The following MACROD2 variants were observed in gnomAD, a reference collection of about 807,000 sequenced individuals.
MACROD2 encodes ADP-ribose glycohydrolase MACROD2.
In MACROD2, 36 loss-of-function variants were observed where a neutral mutation model predicts 70.4. That is an observed-to-expected ratio of 0.51 (90% CI 0.39 to 0.68). MACROD2 has a LOEUF of 0.68. MACROD2 is among the 30% of genes least tolerant of loss of function. MACROD2 has a pLI of 0.00. For synonymous variants in MACROD2, 172 were observed against 178.8 expected (o/e 0.96, Z 0.30); for missense variants, 496 against 538.4 (o/e 0.92, Z 0.78).
chr20:14,771,918 A>G (rs1026799489), intron 5 of MACROD2, among the ~76,000 whole-genome samples: 2 of 152,044 alleles, frequency 1.3e-5, no homozygotes, highest in African/African-American at 2.4e-5. Context: ...CAAAGGTCCA[A>G]TTCATTATCA....
At chr20:14,965,120 T>G (rs1474683352) in intron 5 of MACROD2, among the ~76,000 whole-genome samples, 1 of 152,154 alleles carries the variant, frequency 6.6e-6, no homozygotes, top group Non-Finnish European at 1.5e-5. Flanking sequence ...AGCAGATACT[T>G]GCTTTTAAGG....
At chr20:15,374,227 T>C (rs2045531349) in intron 6 of MACROD2, among the ~76,000 whole-genome samples, 1 of 151,906 alleles carries the variant, frequency 6.6e-6, no homozygotes, top group South Asian at 2.1e-4. Flanking sequence ...TAAGTGATTT[T>C]ATCATATATA....
At chr20:15,304,041 C>G (rs1244578397) in intron 6 of MACROD2, among the ~76,000 whole-genome samples, 1 of 152,106 alleles carries the variant, frequency 6.6e-6, no homozygotes, top group Non-Finnish European at 1.5e-5. Flanking sequence ...TTGGCCTTTC[C>G]TCACCACAAG....
chr20:14,516,515 CA>C (rs2085101627), intron 4 of MACROD2, among the ~76,000 whole-genome samples: 1 of 152,136 alleles, frequency 6.6e-6, no homozygotes, highest in Admixed American at 6.6e-5. Context: ...CAGTTTTCTG[CA>C]TATGGCTAGC....
At chr20:15,139,311 C>T (rs1282639976) in intron 5 of MACROD2, among the ~76,000 whole-genome samples, 1 of 151,968 alleles carries the variant, frequency 6.6e-6, no homozygotes, top group African/African-American at 2.4e-5. Context: ...TGTTTTGCAC[C>T]AGCATTGTTT....
At chr20:14,642,770 A>C (rs1382685084) in intron 4 of MACROD2, among the ~76,000 whole-genome samples, 1 of 152,138 alleles carries the variant, frequency 6.6e-6, no homozygotes, top group African/African-American at 2.4e-5. Context: ...TAGTAACATC[A>C]AAGATCACTG....
At chr20:15,658,453 C>G (rs1368527801) in intron 8 of MACROD2, among the ~76,000 whole-genome samples, 1 of 152,066 alleles carries the variant, frequency 6.6e-6, no homozygotes, top group East Asian at 1.9e-4. Flanking sequence ...TTTTCTGGGC[C>G]TCATTGTTTG....
chr20:14,995,811 A>C (rs887644588), intron 5 of MACROD2, among the ~76,000 whole-genome samples: 2 of 152,148 alleles, frequency 1.3e-5, no homozygotes, highest in Non-Finnish European at 2.9e-5. Flanking sequence ...AACCTATGGG[A>C]TGCAGTTAAA....
intron 10 of MACROD2, among the ~76,000 whole-genome samples, chr20:15,917,067 T>C (rs2065329608): frequency 1.3e-5 from 2 of 152,310 alleles, no homozygotes; most frequent in Non-Finnish European, 2.9e-5. Flanking sequence ...CAGGATGTAG[T>C]TTGCAGACCC....
rs528207515 is a variant in MACROD2 at position 15,077,854 on chromosome 20, A to G, written c.419-152086A>G. On this transcript the variant is annotated intron_variant, in intron 5 of 17. Transcript: ENST00000684519. Reference sequence around the variant, plus strand: ...GGGACCATAGCAGGGAGCCCACTGCAGCGGCAGCAGTTGCTGCAGCGTTTG... The same window carrying G: ...GGGACCATAGCAGGGAGCCCACTGCGGCGGCAGCAGTTGCTGCAGCGTTTG... 5.3e-5 allele frequency among the ~76,000 whole-genome samples: 8 copies of G among 152,268 alleles called. No individual in the cohort carries two copies. The South Asian group carries it at 1.7e-3, about 32-fold the overall frequency.
At chr20:15,157,349 A>AAC (rs2076314188) in intron 5 of MACROD2, among the ~76,000 whole-genome samples, 1 of 109,398 alleles carries the variant, frequency 9.1e-6, no homozygotes, top group Non-Finnish European at 1.9e-5. Context: ...CTAATTAACC[A>AAC]CCCCCCCCCA....
chr20:14,469,204 TA>T (rs2123041507), intron 3 of MACROD2, among the ~76,000 whole-genome samples: 1 of 152,330 alleles, frequency 6.6e-6, no homozygotes, highest in Admixed American at 6.5e-5. Flanking sequence ...TTTGCCTGTA[TA>T]TGAAATTCAG....
chr20:14,891,011 C>T (rs1230076646), intron 5 of MACROD2, among the ~76,000 whole-genome samples: 1 of 146,742 alleles, frequency 6.8e-6, no homozygotes, highest in Non-Finnish European at 1.5e-5. Context: ...CCCTCCCTTC[C>T]TACCTTCCTT....
chr20:16,005,640 A>C (rs1023913756), intron 15 of MACROD2, among the ~76,000 whole-genome samples: 2 of 152,196 alleles, frequency 1.3e-5, no homozygotes, highest in African/African-American at 4.8e-5. Flanking sequence ...GTGATTTCTA[A>C]TCAAAAATGC....
intron 15 of MACROD2, among the ~76,000 whole-genome samples, chr20:16,019,763 T>C (rs1389965626): frequency 6.6e-6 from 1 of 152,178 alleles, no homozygotes; most frequent in Non-Finnish European, 1.5e-5. Flanking sequence ...CAGAAACAAA[T>C]GTTCTACCAA....
chr20:15,770,674 G>GT (rs1325930167), intron 8 of MACROD2, among the ~76,000 whole-genome samples: 1 of 152,032 alleles, frequency 6.6e-6, no homozygotes. Flanking sequence ...ATAAGGTTTT[G>GT]TTTTTTTAAT....
At chr20:14,117,765 C>T (rs2054533760) in intron 3 of MACROD2, among the ~76,000 whole-genome samples, 1 of 152,074 alleles carries the variant, frequency 6.6e-6, no homozygotes, top group African/African-American at 2.4e-5. Context: ...TGCTCTTTTT[C>T]ATTTGGTATC....
chr20:15,909,714 G>A (rs1047235420), intron 10 of MACROD2, among the ~76,000 whole-genome samples: 3 of 151,498 alleles, frequency 2.0e-5, no homozygotes, highest in South Asian at 4.2e-4. Context: ...TAGTAGAGAC[G>A]GGGTTTCACC....
rs1310899091 is a variant in MACROD2, at chr20:14,220,956, C to G, written c.271+135228C>G. Among the ~76,000 whole-genome samples, 4 of 152,080 alleles carry G rather than the reference C, an allele frequency of 2.6e-5. 1 individual carries two copies. Among genetic ancestry groups the G allele is most frequent in the South Asian group, 4.1e-4 (2 of 4,820 alleles). On this transcript the variant is annotated intron_variant, in intron 3 of 17. Coordinates refer to ENST00000684519, the MANE Select transcript of MACROD2 (RefSeq NM_001351661.2). ...CAGGATGGCTGGTTTGTTTTGCAGT[C>G]GATCTGATGCTAAAATTCACAGTGC...
Sources: allele counts gnomAD v4.1 joint callset (sites outside exome capture counted in the v4.1 genomes callset), GRCh38; gene constraint gnomAD v4.1.1; transcripts MANE v1.5; gene names NCBI Gene and HGNC (gene_info 2026-07-23, HGNC 2026-07-21).